The following VAV2 variants were observed in gnomAD, a reference collection of about 807,000 sequenced individuals.
VAV2 encodes the protein guanine nucleotide exchange factor VAV2.
In VAV2, 67 loss-of-function variants were observed where a neutral mutation model predicts 132.5. The observed-to-expected ratio is 0.51, with a 90% CI of 0.42 to 0.62. VAV2 has a LOEUF of 0.62. Among genes scored for constraint, VAV2 ranks in the 20% least tolerant of loss-of-function variants. The probability of loss-of-function intolerance (pLI) is 0.00; values close to 1 mark genes in which losing one functional copy is unlikely to be tolerated. For synonymous variants in VAV2, 492 were observed against 443.5 expected (o/e 1.11, Z -1.37); for missense variants, 938 against 1,153.6 (o/e 0.81, Z 2.71).
chr9:133,924,648 A>G (rs1023441363), intron 2 of VAV2, among the ~76,000 whole-genome samples: 12 of 152,324 alleles, frequency 7.9e-5, no homozygotes, highest in Middle Eastern at 3.4e-3. Context: ...AGTCACCACC[A>G]GCTCTTCCCT....
intron 7 of VAV2, among the ~76,000 whole-genome samples, chr9:133,808,009 G>A (rs140453873): frequency 1.3e-5 from 2 of 152,382 alleles, no homozygotes; most frequent in Non-Finnish European, 2.9e-5. Context: ...TGGTCACCAC[G>A]TGGCACAGAG....
At chr9:133,981,775 T>C (rs1359802513) in intron 1 of VAV2, among the ~76,000 whole-genome samples, 1 of 152,134 alleles carries the variant, frequency 6.6e-6, no homozygotes, top group East Asian at 1.9e-4. Context: ...TTTCCAAGCA[T>C]TTCCAAGGAT....
chr9:133,990,106 G>A (rs941396469), intron 1 of VAV2, among the ~76,000 whole-genome samples: 14 of 152,200 alleles, frequency 9.2e-5, no homozygotes, highest in Non-Finnish European at 1.0e-4. Flanking sequence ...TCTGGAGGTC[G>A]TTGCCTACCT....
At chr9:133,972,798 T>C (rs972407312) in intron 1 of VAV2, among the ~76,000 whole-genome samples, 3 of 152,048 alleles carry the variant, frequency 2.0e-5, no homozygotes, top group Admixed American at 6.5e-5. Context: ...GGCCCCACTT[T>C]ACAGATGAGG....
Position 133,857,903 on chromosome 9 carries a change from G to T in VAV2, c.380+3471C>A, listed in dbSNP as rs989473729. Among the ~76,000 whole-genome samples the T allele has an allele frequency of 1.3e-5, 2 of 152,220 alleles. No individual in the cohort carries two copies. Among genetic ancestry groups the T allele is most frequent in the African/African-American group, 2.4e-5 (1 of 41,460 alleles). On this transcript the variant is annotated intron_variant, in intron 3 of 29. Transcript: ENST00000371850. This position sits in a 1 kb window ranked among gnomAD's most constrained non-coding sequence, Gnocchi z 4.0. The stretch of plus-strand genomic sequence containing the variant: ...TGGAGGAGAAGGGCAGGAAAGCCAG[G>T]CCCCGGGGAGGAGGGCCTGCAGAGG...
intron 2 of VAV2, among the ~76,000 whole-genome samples, chr9:133,932,323 G>A (rs956683805): frequency 1.3e-5 from 2 of 152,222 alleles, no homozygotes; most frequent in African/African-American, 4.8e-5. Flanking sequence ...ATCAGCAAGG[G>A]CTGCGGACTC....
intron 4 of VAV2, among the ~76,000 whole-genome samples, chr9:133,828,909 G>A (rs1193200635): frequency 1.3e-5 from 2 of 152,204 alleles, no homozygotes; most frequent in African/African-American, 4.8e-5. Flanking sequence ...TGGGTGCTGA[G>A]GCCCAGCTGT....
intron 17 of VAV2, among the ~76,000 whole-genome samples, chr9:133,784,892 C>T (rs114717304): frequency 0.077 from 11,638 of 152,030 alleles, 695 homozygotes; most frequent in African/African-American, 0.16. Context: ...GGTGGGGTGA[C>T]GCGGATGGCG....
chr9:133,813,030 C>A (rs1262268182), intron 4 of VAV2, among the ~76,000 whole-genome samples: 3 of 152,198 alleles, frequency 2.0e-5, no homozygotes, highest in African/African-American at 7.2e-5. Context: ...CCTCCTGATG[C>A]TCCACACCTG....
rs118123344 is a variant in VAV2 at position 133,921,219 on chromosome 9, G to A, written c.321+17884C>T. ...TCCCCACCAGATGACAGCTCTGTGC[G>A]TGCCGGAGTGTGGGCTCTGCTCCCT... On this transcript the variant is annotated intron_variant, in intron 2 of 29. Coordinates refer to ENST00000371850, the MANE Select transcript of VAV2 (RefSeq NM_001134398.2). Among the ~76,000 whole-genome samples, 448 of 152,312 alleles carry A rather than the reference G, an allele frequency of 2.9e-3. 7 individuals are homozygous for A. In the East Asian group the frequency reaches 0.043, roughly 15 times the overall value.
chr9:133,914,299 C>T (rs1199389460), intron 2 of VAV2, among the ~76,000 whole-genome samples: 3 of 152,134 alleles, frequency 2.0e-5, no homozygotes, highest in African/African-American at 7.2e-5. Context: ...GACAGGTGTT[C>T]AGAAATGCAC....
chr9:133,866,521 T>C (rs1315194662), intron 2 of VAV2, among the ~76,000 whole-genome samples: 1 of 152,092 alleles, frequency 6.6e-6, no homozygotes, highest in Non-Finnish European at 1.5e-5. Flanking sequence ...AAGAGGAGCC[T>C]GGCCAGGCGC....
chr9:133,779,998 A>T (rs373368926), intron 20 of VAV2, 59 bp from the exon 21 acceptor site: 15 of 1,606,444 alleles, frequency 9.3e-6, no homozygotes, highest in Non-Finnish European at 1.3e-5. Context: ...ACTGTGGCCC[A>T]TGCATCAACG....
intron 1 of VAV2, among the ~76,000 whole-genome samples, chr9:133,956,720 G>A (rs980249987): frequency 2.0e-5 from 3 of 152,208 alleles, no homozygotes; most frequent in Non-Finnish European, 4.4e-5. Flanking sequence ...AGCGGGAGGG[G>A]GATTCCCTGC....
At chr9:133,786,696 C>G (rs561068179) in intron 16 of VAV2, among the ~76,000 whole-genome samples, 1 of 152,380 alleles carries the variant, frequency 6.6e-6, no homozygotes, top group African/African-American at 2.4e-5. Flanking sequence ...CCCACAACTG[C>G]CCCCTTCCCT....
intron 2 of VAV2, among the ~76,000 whole-genome samples, chr9:133,874,142 C>G (rs1243494242): frequency 2.0e-5 from 3 of 152,370 alleles, no homozygotes; most frequent in African/African-American, 7.2e-5. Context: ...GGCTATCCAT[C>G]CTGGATTTGA....
intron 5 of VAV2, among the ~76,000 whole-genome samples, chr9:133,811,176 C>G (rs745412781): frequency 1.3e-5 from 2 of 152,190 alleles, no homozygotes; most frequent in Non-Finnish European, 2.9e-5. Flanking sequence ...AAAACTCAGT[C>G]GAGACCCTTC....
In VAV2 at chr9:133,834,175, C is replaced by A; in HGVS notation, c.449+97G>T. On this transcript the variant is annotated intron_variant, in intron 4 of 29. Coordinates refer to ENST00000371850, the MANE Select transcript of VAV2 (RefSeq NM_001134398.2). This position sits in a 1 kb window ranked among gnomAD's most constrained non-coding sequence, Gnocchi z 5.9. ...AGGGCCAGGGCCAGCTCTGCCTGCA[C>A]TGTGGCCGCCATGTTTCCTCCTGAC... The A allele has an allele frequency of 1.4e-6, 2 of 1,405,522 alleles. No homozygotes were observed. The highest frequency in any genetic ancestry group is 1.9e-6 in the Non-Finnish European group (2 of 1,025,670). The allele number at this position is 1,405,522 out of a possible 1,614,324, so 87.1% of individuals were successfully genotyped here.
intron 1 of VAV2, among the ~76,000 whole-genome samples, chr9:133,956,120 C>T (rs1199416657): frequency 6.6e-6 from 1 of 152,100 alleles, no homozygotes; most frequent in Non-Finnish European, 1.5e-5. Flanking sequence ...TCAGTTTCCC[C>T]AACCCAGTGG....
Sources: allele counts gnomAD v4.1 joint callset (sites outside exome capture counted in the v4.1 genomes callset), GRCh38; gene constraint gnomAD v4.1.1; non-coding constraint Gnocchi (gnomAD v3.1); transcripts MANE v1.5; gene names NCBI Gene and HGNC (gene_info 2026-07-23, HGNC 2026-07-21).